The following FMN2 variants were observed in gnomAD, a reference collection of about 807,000 sequenced individuals.
FMN2 encodes the protein formin 2.
FMN2 carries 51 observed loss-of-function variants against 142.3 expected under a neutral mutation model. The ratio of observed to expected loss-of-function variants is 0.36; its 90% confidence interval spans 0.29 to 0.45. The LOEUF (loss-of-function observed/expected upper bound fraction) is 0.45. Among genes scored for constraint, FMN2 ranks in the 20% least tolerant of loss-of-function variants. The pLI is 1.00. For synonymous variants in FMN2, 882 were observed against 869.8 expected (o/e 1.01, Z -0.25); for missense variants, 1,936 against 2,122.8 (o/e 0.91, Z 1.73).
chr1:240,359,364 C>T (rs937932047), intron 14 of FMN2, among the ~76,000 whole-genome samples: 2 of 152,098 alleles, frequency 1.3e-5, no homozygotes, highest in Non-Finnish European at 2.9e-5. Flanking sequence ...TTTGTATATA[C>T]AAGCAAGGTC....
intron 4 of FMN2, among the ~76,000 whole-genome samples, chr1:240,203,430 C>T (rs977275386): frequency 6.6e-6 from 1 of 152,114 alleles, no homozygotes; most frequent in Non-Finnish European, 1.5e-5. Flanking sequence ...CAATGATAAA[C>T]TGGATAAGGA....
chr1:240,356,982 G>GA (rs1187596259), intron 14 of FMN2, among the ~76,000 whole-genome samples: 2 of 152,172 alleles, frequency 1.3e-5, no homozygotes, highest in Non-Finnish European at 2.9e-5. Context: ...ACTTAGAGTG[G>GA]AAAATCTACT....
intron 1 of FMN2, among the ~76,000 whole-genome samples, chr1:240,097,557 G>A (rs545751347): frequency 1.2e-4 from 18 of 152,054 alleles, no homozygotes; most frequent in African/African-American, 3.6e-4. Flanking sequence ...GGGTTTCACC[G>A]TGTTAGCCAG....
chr1:240,371,820 T>C (rs1322708863), intron 14 of FMN2, among the ~76,000 whole-genome samples: 1 of 152,204 alleles, frequency 6.6e-6, no homozygotes, highest in Admixed American at 6.5e-5. Flanking sequence ...CTAAGTCTCC[T>C]CTGAAGATAA....
At chr1:240,231,504 A>G (rs1023550842) in intron 6 of FMN2, among the ~76,000 whole-genome samples, 3 of 152,116 alleles carry the variant, frequency 2.0e-5, no homozygotes, top group Admixed American at 6.6e-5. Flanking sequence ...AAATTATACC[A>G]TCGGCTAAAT....
chr1:240,143,802 C>T, intron 2 of FMN2: 4 of 1,520,090 alleles, frequency 2.6e-6, no homozygotes, highest in South Asian at 2.2e-5. Context: ...GACCCCACTG[C>T]TATCATTCCA....
intron 4 of FMN2, among the ~76,000 whole-genome samples, chr1:240,202,760 A>G (rs926706843): frequency 6.6e-6 from 1 of 152,148 alleles, no homozygotes; most frequent in African/African-American, 2.4e-5. Context: ...ACTGTGCCTC[A>G]TCAGAATCAC....
chr1:240,208,067 A>G lies in FMN2; in HGVS notation c.3255A>G (p.Ile1085Met), dbSNP rs1338799392. 1.9e-6 allele frequency: 1 copy of G among 530,414 alleles called. No individual in the cohort carries two copies. Among genetic ancestry groups the G allele is most frequent in the East Asian group, 3.8e-5 (1 of 26,288 alleles). The allele number at this position is 530,414 out of a possible 1,614,324, so 32.9% of individuals were successfully genotyped here. ...CGCCCCCACTTCCCGGAGCGGGCAT[A>G]CCCCCACCTCCCCCTCTACCCGGAG... ...PPPPPLPGAG[I>M]PPPPPLPGAG... The change falls in exon 5 of 18, where the codon ATA (isoleucine) becomes ATG (methionine). Residue 1085 changes from isoleucine (I) to methionine (M), a missense_variant. Coordinates refer to ENST00000319653, the MANE Select transcript of FMN2 (RefSeq NM_020066.5).
chr1:240,345,737 C>T (rs1268937487), intron 13 of FMN2, among the ~76,000 whole-genome samples: 2 of 152,114 alleles, frequency 1.3e-5, no homozygotes, highest in African/African-American at 2.4e-5. Flanking sequence ...CCTGCCTCGG[C>T]CTCCCAAAGT....
intron 15 of FMN2, among the ~76,000 whole-genome samples, chr1:240,430,309 A>G (rs1327803913): frequency 2.0e-5 from 3 of 152,268 alleles, no homozygotes; most frequent in South Asian, 2.1e-4. Context: ...ATAAATGTAT[A>G]AGGAATTGTC....
intron 14 of FMN2, among the ~76,000 whole-genome samples, chr1:240,363,760 G>A (rs1160080318): frequency 2.0e-5 from 3 of 152,248 alleles, no homozygotes; most frequent in Admixed American, 2.0e-4. Flanking sequence ...TAGGGGTTCA[G>A]AACTTCCAGC....
At chr1:240,378,916 T>C (rs1673137095) in intron 14 of FMN2, among the ~76,000 whole-genome samples, 1 of 152,232 alleles carries the variant, frequency 6.6e-6, no homozygotes, top group South Asian at 2.1e-4. Context: ...TATTTGCTGG[T>C]TCATCTCCTG....
At chr1:240,381,699 G>C in intron 14 of FMN2, among the ~76,000 whole-genome samples, 1 of 152,134 alleles carries the variant, frequency 6.6e-6, no homozygotes, top group East Asian at 1.9e-4. Context: ...CAAAGTGTTG[G>C]GATTACTGGC....
intron 7 of FMN2, among the ~76,000 whole-genome samples, chr1:240,271,116 T>TTTTC (rs1004220760): frequency 6.8e-6 from 1 of 147,846 alleles, no homozygotes; most frequent in Non-Finnish European, 1.5e-5. Context: ...TTTTTTTTTT[T>TTTTC]TGTGACTCTG....
rs557427303 is a variant in FMN2 at position 240,448,052 on chromosome 1, G to GC, written c.5060+9844dup. Among the ~76,000 whole-genome samples the GC allele has an allele frequency of 1.4e-4, 21 of 152,216 alleles. No individual in the cohort carries two copies. In the South Asian group the frequency reaches 4.3e-3, roughly 32 times the overall value. ...TCTAACATCGGTCCCTCTTCTGCCTGCCTGGTACAACTCCTGCTACTTCCC... is the reference window on the plus strand; with the variant it reads ...TCTAACATCGGTCCCTCTTCTGCCTGCCCTGGTACAACTCCTGCTACTTCCC... On this transcript the variant is annotated intron_variant, in intron 16 of 17. Coordinates refer to ENST00000319653, the MANE Select transcript of FMN2 (RefSeq NM_020066.5).
Position 240,222,783 on chromosome 1 carries a change from GCTCT to G in FMN2, c.4065+11551_4065+11554del, listed in dbSNP as rs1311677793. ...TGAATGGGAGTTCACTCATGATTTG[GCTCT>G]CTGTTTGTCTATTATTGGTGTATAG... is the stretch of plus-strand genomic sequence containing the variant. On this transcript the variant is annotated intron_variant, in intron 6 of 17. Transcript: ENST00000319653. Among the ~76,000 whole-genome samples, 48 of 151,994 alleles carry G rather than the reference GCTCT, an allele frequency of 3.2e-4. 1 individual carries two copies. Among genetic ancestry groups the G allele is most frequent in the African/African-American group, 1.2e-3 (48 of 41,366 alleles).
intron 6 of FMN2, among the ~76,000 whole-genome samples, chr1:240,213,556 G>A (rs1280152866): frequency 6.6e-6 from 1 of 152,190 alleles, no homozygotes; most frequent in Non-Finnish European, 1.5e-5. Flanking sequence ...TAAGGAAAGT[G>A]TATTTTCAGG....
At chr1:240,238,800 A>T (rs565334455) in intron 6 of FMN2, among the ~76,000 whole-genome samples, 14 of 152,354 alleles carry the variant, frequency 9.2e-5, no homozygotes, top group African/African-American at 3.4e-4. Context: ...TATCAATATT[A>T]GATACACGGT....
intron 15 of FMN2, among the ~76,000 whole-genome samples, chr1:240,416,608 CATTCCATCTGTACTT>C (rs1286930973): frequency 6.6e-6 from 1 of 152,148 alleles, no homozygotes; most frequent in African/African-American, 2.4e-5. Flanking sequence ...TTCTCCTCCT[CATTCCATCTGTACTT>C]ATGTCCCTTG....
Sources: allele counts gnomAD v4.1 joint callset (sites outside exome capture counted in the v4.1 genomes callset), GRCh38; gene constraint gnomAD v4.1.1; transcripts MANE v1.5; gene names NCBI Gene and HGNC (gene_info 2026-07-23, HGNC 2026-07-21).